The following SCN1A variants were observed in gnomAD, a reference collection of about 807,000 sequenced individuals.
The protein encoded by SCN1A is sodium channel protein type 1 subunit alpha.
SCN1A carries 13 observed loss-of-function variants against 193.7 expected under a neutral mutation model. That is an observed-to-expected ratio of 0.07 (90% confidence interval 0.04 to 0.11). The LOEUF (loss-of-function observed/expected upper bound fraction) is 0.11, where lower values mean the gene tolerates loss of function less well. Among genes scored for constraint, SCN1A ranks in the 10% least tolerant of loss-of-function variants. The pLI, the probability that SCN1A is intolerant of heterozygous loss-of-function variation, is 1.00. For missense variants in SCN1A, 1,432 were observed against 2,451.1 expected (o/e 0.58, Z 8.78); for synonymous variants, 781 against 843.6 (o/e 0.93, Z 1.29).
chr2:166,112,852 T>C (rs989658128), intron 2 of SCN1A, among the ~76,000 whole-genome samples: 2 of 152,140 alleles, frequency 1.3e-5, no homozygotes, highest in African/African-American at 2.4e-5. Context: ...GGTCAATGAT[T>C]TAATCAATTA....
chr2:166,102,113 GA>G (rs1688147877), intron 2 of SCN1A, among the ~76,000 whole-genome samples: 1 of 152,122 alleles, frequency 6.6e-6, no homozygotes, highest in African/African-American at 2.4e-5. Flanking sequence ...ACAAGCATAT[GA>G]AAAAATGCTC....
intron 1 of SCN1A, among the ~76,000 whole-genome samples, chr2:166,135,934 AGCGGCACTTT>A (rs1691838774): frequency 6.6e-6 from 1 of 152,232 alleles, no homozygotes; most frequent in Non-Finnish European, 1.5e-5. Context: ...GGTGCTAGGC[AGCGGCACTTT>A]CATGCCTAAG....
At chr2:166,103,522 T>A (rs1311720786) in intron 2 of SCN1A, among the ~76,000 whole-genome samples, 2 of 151,634 alleles carry the variant, frequency 1.3e-5, no homozygotes, top group Non-Finnish European at 2.9e-5. Context: ...ATAAGTTATC[T>A]TTGAGACACG....
chr2:166,133,100 G>A (rs1403302786), intron 1 of SCN1A, among the ~76,000 whole-genome samples: 1 of 152,002 alleles, frequency 6.6e-6, no homozygotes. Context: ...TTCTGGTAGT[G>A]GAGAAGAAAA....
intron 2 of SCN1A, among the ~76,000 whole-genome samples, chr2:166,113,680 A>C (rs1411370455): frequency 6.6e-6 from 1 of 152,192 alleles, no homozygotes; most frequent in Non-Finnish European, 1.5e-5. Flanking sequence ...GAGGGCAAGA[A>C]TTACTACACT....
intron 2 of SCN1A, among the ~76,000 whole-genome samples, chr2:166,122,074 C>T (rs575294924): frequency 1.3e-5 from 2 of 152,238 alleles, no homozygotes; most frequent in South Asian, 4.2e-4. Flanking sequence ...CTTCGAGCCT[C>T]CAGAACTGTG....
chr2:166,086,627 A>G (rs1209088773), intron 2 of SCN1A, among the ~76,000 whole-genome samples: 2 of 152,130 alleles, frequency 1.3e-5, no homozygotes, highest in Non-Finnish European at 2.9e-5. Context: ...ATGCTTCCCA[A>G]CCTGTCAGAA....
chr2:166,068,889 A>C (rs893028154), intron 4 of SCN1A, among the ~76,000 whole-genome samples: 3 of 152,232 alleles, frequency 2.0e-5, no homozygotes, highest in African/African-American at 7.2e-5. Flanking sequence ...TTCTATTTCC[A>C]GTAAACTGTC....
chr2:166,007,621 A>C lies in SCN1A; in HGVS notation c.4002+2098T>G, dbSNP rs182825244. Among the ~76,000 whole-genome samples the C allele has an allele frequency of 3.3e-5, 5 of 151,546 alleles. No homozygotes were observed. The highest frequency in any genetic ancestry group is 3.0e-5 in the Non-Finnish European group (2 of 67,558). The stretch of plus-strand genomic sequence containing the variant: ...AATGTGCATAAAACATGCAAAACAC[A>C]AAGTGCAACGTGATGATAATTTATT... On this transcript the variant is annotated intron_variant, in intron 23 of 28. Coordinates refer to ENST00000674923, the MANE Select transcript of SCN1A (RefSeq NM_001165963.4).
rs190667699 is a variant in SCN1A, at chr2:166,068,528, C to T, written c.264+4830G>A. Among the ~76,000 whole-genome samples the T allele has an allele frequency of 2.7e-4, 41 of 152,214 alleles. No individual in the cohort carries two copies. In the South Asian group the frequency reaches 5.4e-3, roughly 20 times the overall value. On this transcript the variant is annotated intron_variant, in intron 4 of 28. Coordinates refer to ENST00000674923, the MANE Select transcript of SCN1A (RefSeq NM_001165963.4). Reference sequence around the variant, plus strand: ...ACTGGGGACTGCCCATATGACAATTCGTGAAATTATAAGCTTTTAATAATC... The same window carrying T: ...ACTGGGGACTGCCCATATGACAATTTGTGAAATTATAAGCTTTTAATAATC...
Position 165,989,048 on chromosome 2 carries a change from G to A in SCN1A, c.*2197C>T, listed in dbSNP as rs756388908. The A allele has an allele frequency of 5.4e-5, 3 of 55,360 alleles. No homozygotes were observed. Among genetic ancestry groups the A allele is most frequent in the African/African-American group, 7.8e-5 (2 of 25,566 alleles). The allele number at this position is 55,360 out of a possible 1,614,324, so 3.4% of individuals were successfully genotyped here. A position where few individuals can be genotyped will look rare whatever the true frequency, so the allele number is the denominator to read the frequency against. On this transcript the variant is annotated 3_prime_UTR_variant, in exon 29 of 29. Coordinates refer to ENST00000674923, the MANE Select transcript of SCN1A (RefSeq NM_001165963.4). ...TGCCTCTGTGTGTGTGTGTGTGTGT[G>A]TGTGTGTGTGTGTGTGTGTGCGCGC...
intron 2 of SCN1A, among the ~76,000 whole-genome samples, chr2:166,078,822 C>G (rs1348918179): frequency 2.0e-5 from 3 of 151,314 alleles, no homozygotes; most frequent in Non-Finnish European, 4.4e-5. Context: ...CAAGAATAAC[C>G]AGAAAATTCT....
In SCN1A at chr2:165,998,157, A is replaced by G; in HGVS notation, c.4357T>C (p.Tyr1453His). The change falls in exon 26 of 29, where the codon TAT becomes CAT. Residue 1453 changes from tyrosine (Y) to histidine (H), a missense_variant. Coordinates refer to ENST00000674923, the MANE Select transcript of SCN1A (RefSeq NM_001165963.4). Reference protein sequence around the residue: ...DSRNVELQPKYEESLYMYLYF... With the variant: ...DSRNVELQPKHEESLYMYLYF... ...AGATACATGTACAGACTTTCTTCAT[A>G]CTTAGGCTGGAGTTCCACCTACCAA... The G allele has an allele frequency of 1.2e-6, 2 of 1,605,508 alleles. No individual in the cohort carries two copies. The highest frequency in any genetic ancestry group is 1.7e-6 in the Non-Finnish European group (2 of 1,174,246).
chr2:166,118,993 A>G (rs917441688), intron 2 of SCN1A, among the ~76,000 whole-genome samples: 14 of 152,148 alleles, frequency 9.2e-5, no homozygotes, highest in African/African-American at 3.4e-4. Context: ...AGAATCTCAT[A>G]AGGAGCACAC....
At chr2:166,019,491 G>A (rs1252471425) in intron 19 of SCN1A, among the ~76,000 whole-genome samples, 1 of 151,980 alleles carries the variant, frequency 6.6e-6, no homozygotes, top group Non-Finnish European at 1.5e-5. Context: ...TCCTGATTCT[G>A]CAATATCACT....
In SCN1A at chr2:165,989,765, C is replaced by T. The variant is rs560707569; in HGVS notation, c.*1480G>A. On this transcript the variant is annotated 3_prime_UTR_variant, in exon 29 of 29. Coordinates refer to ENST00000674923, the MANE Select transcript of SCN1A (RefSeq NM_001165963.4). ...GATATCAACCTGAAGATAATTTCCT[C>T]TTCATATTTATGTACATAATGCTGA... The T allele has an allele frequency of 2.0e-5, 3 of 152,610 alleles. No individual in the cohort carries two copies. Among genetic ancestry groups the T allele is most frequent in the East Asian group, 1.9e-4 (1 of 5,162 alleles). The allele number at this position is 152,610 out of a possible 1,614,324, so 9.5% of individuals were successfully genotyped here.
At chr2:166,092,451 G>C (rs1686909550) in intron 2 of SCN1A, 1 of 152,214 alleles carries the variant, frequency 6.6e-6, no homozygotes, top group Non-Finnish European at 1.5e-5. Context: ...GTCGATTCAT[G>C]CAGGTATTGG....
rs542290356 is a variant in SCN1A, at chr2:166,049,580, G to C, written c.965-631C>G. Among the ~76,000 whole-genome samples the C allele has an allele frequency of 9.2e-5, 14 of 152,020 alleles. No individual in the cohort carries two copies. In the South Asian group the frequency reaches 2.9e-3, roughly 32 times the overall value. On this transcript the variant is annotated intron_variant, in intron 9 of 28. Coordinates refer to ENST00000674923, the MANE Select transcript of SCN1A (RefSeq NM_001165963.4). Reference sequence around the variant, plus strand: ...TACTAAAGCTAAAATAATGACTATAGGTGAACACTACATTATCTCAAAGAT... The same window carrying C: ...TACTAAAGCTAAAATAATGACTATACGTGAACACTACATTATCTCAAAGAT...
chr2:166,130,232 T>C (rs1282144040), upstream of SCN1A, among the ~76,000 whole-genome samples: 1 of 151,986 alleles, frequency 6.6e-6, no homozygotes, highest in Non-Finnish European at 1.5e-5. Flanking sequence ...CAGTACTGCA[T>C]CTATCAAGTA....
Sources: allele counts gnomAD v4.1 joint callset (sites outside exome capture counted in the v4.1 genomes callset), GRCh38; gene constraint gnomAD v4.1.1; transcripts MANE v1.5; gene names NCBI Gene and HGNC (gene_info 2026-07-23, HGNC 2026-07-21).